NAALADL2: variants seen among roughly 807,000 people sequenced by gnomAD.
NAALADL2 encodes N-acetylated alpha-linked acidic dipeptidase like 2, also known as inactive N-acetylated-alpha-linked acidic dipeptidase-like protein 2.
NAALADL2 carries 76 observed loss-of-function variants against 87.2 expected under a neutral mutation model. That is an observed-to-expected ratio of 0.87 (90% CI 0.72 to 1.05). The LOEUF (loss-of-function observed/expected upper bound fraction) is 1.05, where lower values mean the gene tolerates loss of function less well. NAALADL2 is among the 50% of genes least tolerant of loss of function. The pLI, the probability that NAALADL2 is intolerant of heterozygous loss-of-function variation, is 0.00. For synonymous variants in NAALADL2, 354 were observed against 331.0 expected, an observed-to-expected ratio of 1.07 and a Z score of -0.75; for missense variants, 1,089 against 945.8, an observed-to-expected ratio of 1.15 and a Z score of -1.99.
At chr3:174,564,251 T>C (rs898074829) in intron 2 of NAALADL2, among the ~76,000 whole-genome samples, 1 of 152,172 alleles carries the variant, frequency 6.6e-6, no homozygotes, top group South Asian at 2.1e-4. Flanking sequence ...GCTTTATCAG[T>C]GCCTGGGAAT....
At chr3:174,500,313 A>AT (rs770061387) in intron 1 of NAALADL2, among the ~76,000 whole-genome samples, 52 of 152,040 alleles carry the variant, frequency 3.4e-4, no homozygotes, top group Non-Finnish European at 7.1e-4. Flanking sequence ...TGTAATAGCC[A>AT]TTTTTTGTAA....
intron 11 of NAALADL2, among the ~76,000 whole-genome samples, chr3:175,707,393 T>G (rs1739865365): frequency 6.6e-6 from 1 of 152,158 alleles, no homozygotes. Context: ...AAAACTATTC[T>G]TAACGCATGA....
At chr3:174,689,408 C>G (rs1199026268) in intron 2 of NAALADL2, among the ~76,000 whole-genome samples, 1 of 113,856 alleles carries the variant, frequency 8.8e-6, no homozygotes, top group East Asian at 2.7e-4. Context: ...TTTTTTTTAC[C>G]AGTTTGAGCA....
At chr3:175,347,415 C>A (rs1231902117) in intron 5 of NAALADL2, among the ~76,000 whole-genome samples, 3 of 152,030 alleles carry the variant, frequency 2.0e-5, no homozygotes, top group Non-Finnish European at 4.4e-5. Flanking sequence ...ACCCCATAAG[C>A]CTTCATATTA....
chr3:175,407,367 T>C (rs1712602444), intron 5 of NAALADL2, among the ~76,000 whole-genome samples: 1 of 152,196 alleles, frequency 6.6e-6, no homozygotes, highest in African/African-American at 2.4e-5. Flanking sequence ...AGAATGTGGC[T>C]GAGTTCATTT....
intron 12 of NAALADL2, among the ~76,000 whole-genome samples, chr3:175,744,795 T>A (rs1450306328): frequency 6.6e-6 from 1 of 152,224 alleles, no homozygotes; most frequent in African/African-American, 2.4e-5. Flanking sequence ...CAGTTTTAAC[T>A]TTAGCTACAA....
chr3:174,823,105 G>A (rs1445994285), intron 3 of NAALADL2, among the ~76,000 whole-genome samples: 1 of 152,080 alleles, frequency 6.6e-6, no homozygotes, highest in African/African-American at 2.4e-5. Flanking sequence ...TTGTAGATAC[G>A]TGCTTTTGGA....
At position 175,207,584 on chromosome 3, in the gene NAALADL2, C is replaced by A. The variant is rs760167014; in HGVS notation, c.546-26347C>A. 2.0e-5 allele frequency among the ~76,000 whole-genome samples: 3 copies of A among 152,080 alleles called. No homozygotes were observed. The East Asian group carries it at 5.8e-4, about 29-fold the overall frequency. On this transcript the variant is annotated intron_variant, in intron 2 of 13. Coordinates refer to ENST00000454872, the MANE Select transcript of NAALADL2 (RefSeq NM_207015.3). ...ATTAGAACACACTGTTACTAAGAGG[C>A]ATCTTTTGGTTTATTTTAATTCCTC...
At chr3:174,790,247 C>G (rs952510711) in intron 3 of NAALADL2, among the ~76,000 whole-genome samples, 1 of 152,084 alleles carries the variant, frequency 6.6e-6, no homozygotes, top group African/African-American at 2.4e-5. Flanking sequence ...GATATTATAG[C>G]TTACTAAAAA....
intron 11 of NAALADL2, among the ~76,000 whole-genome samples, chr3:175,672,444 T>A (rs1013944437): frequency 6.6e-6 from 1 of 152,178 alleles, no homozygotes; most frequent in African/African-American, 2.4e-5. Context: ...AAAATACCAC[T>A]GATCAAGACT....
rs981237099 is a variant in NAALADL2, at chr3:175,398,705, G to A, written c.1091-48524G>A. Reference sequence around the variant, plus strand: ...AGTGCCTGTTTCCTGGAATTACATCGTTGTTTTATTTTAAACATTTCCACA... The same window carrying A: ...AGTGCCTGTTTCCTGGAATTACATCATTGTTTTATTTTAAACATTTCCACA... On this transcript the variant is annotated intron_variant, in intron 5 of 13. Transcript: ENST00000454872. Among the ~76,000 whole-genome samples, 10 of 151,994 alleles carry A rather than the reference G, an allele frequency of 6.6e-5. No homozygotes were observed. In the East Asian group the frequency reaches 1.4e-3, roughly 21 times the overall value.
At chr3:175,029,963 T>A (rs1434328709) in intron 1 of NAALADL2, among the ~76,000 whole-genome samples, 1 of 152,122 alleles carries the variant, frequency 6.6e-6, no homozygotes, top group Non-Finnish European at 1.5e-5. Flanking sequence ...CCTCCAGTTG[T>A]AAAACCTTGA....
At chr3:175,041,768 A>T (rs926785500) in intron 1 of NAALADL2, among the ~76,000 whole-genome samples, 32 of 152,038 alleles carry the variant, frequency 2.1e-4, no homozygotes, top group African/African-American at 7.5e-4. Flanking sequence ...CTATCTCTAT[A>T]TTTTTATATT....
intron 2 of NAALADL2, among the ~76,000 whole-genome samples, chr3:175,227,199 T>C (rs1017533979): frequency 5.9e-5 from 9 of 152,052 alleles, no homozygotes; most frequent in African/African-American, 2.2e-4. Flanking sequence ...CAACCTGGTG[T>C]TAGGAATACT....
chr3:175,552,822 T>A lies in NAALADL2; in HGVS notation c.1654-23219T>A, dbSNP rs115300443. On this transcript the variant is annotated intron_variant, in intron 9 of 13. Transcript: ENST00000454872. Reference sequence around the variant, plus strand: ...AAGTATATACCTATGATATGCCATATATTCCTGGAATTAATTGCTTAATTC... The same window carrying A: ...AAGTATATACCTATGATATGCCATAAATTCCTGGAATTAATTGCTTAATTC... 8.6e-3 allele frequency among the ~76,000 whole-genome samples: 1,315 copies of A among 152,284 alleles called. 25 individuals are homozygous for A. Among genetic ancestry groups the A allele is most frequent in the African/African-American group, 0.03 (1,248 of 41,576 alleles).
At chr3:175,426,393 T>C (rs1716792314) in intron 5 of NAALADL2, among the ~76,000 whole-genome samples, 1 of 152,054 alleles carries the variant, frequency 6.6e-6, no homozygotes, top group Non-Finnish European at 1.5e-5. Flanking sequence ...AAAAATGACT[T>C]ACGTTGTATC....
intron 2 of NAALADL2, chr3:175,124,776 T>C (rs1377732359): frequency 6.6e-6 from 1 of 152,018 alleles, no homozygotes; most frequent in Non-Finnish European, 1.5e-5. Context: ...GCAATATGGG[T>C]GTTTCAAGAA....
At chr3:175,461,938 G>A (rs1271176311) in intron 6 of NAALADL2, among the ~76,000 whole-genome samples, 2 of 152,126 alleles carry the variant, frequency 1.3e-5, no homozygotes, top group Non-Finnish European at 2.9e-5. Flanking sequence ...GGGGTTTCTG[G>A]GGAGAGAGGG....
At chr3:175,152,543 T>G (rs1336001955) in intron 2 of NAALADL2, among the ~76,000 whole-genome samples, 1 of 152,022 alleles carries the variant, frequency 6.6e-6, no homozygotes, top group Non-Finnish European at 1.5e-5. Flanking sequence ...TATACAGAAG[T>G]GAAACAAGGA....
Sources: gnomAD v4.1 joint callset for allele counts (sites outside exome capture counted in the v4.1 genomes callset) on GRCh38, gnomAD v4.1.1 for gene constraint, MANE v1.5 for transcripts, NCBI Gene and HGNC (gene_info 2026-07-23, HGNC 2026-07-21) for gene names.